Variants in NELL2 observed in about 807,000 individuals in gnomAD.
NELL2 encodes neural EGFL like 2.
Under a neutral mutation model 109.6 loss-of-function variants are expected in NELL2, and 41 were observed. That is an observed-to-expected ratio of 0.37 (90% CI 0.29 to 0.49). The LOEUF (loss-of-function observed/expected upper bound fraction) is 0.49, where lower values mean the gene tolerates loss of function less well. Among genes scored for constraint, NELL2 ranks in the 20% least tolerant of loss-of-function variants. The probability of loss-of-function intolerance (pLI) is 0.98; values close to 1 mark genes in which losing one functional copy is unlikely to be tolerated. For synonymous variants in NELL2, 355 were observed against 344.7 expected (o/e 1.03, Z -0.33); for missense variants, 900 against 1,008.3 (o/e 0.89, Z 1.45).
intron 12 of NELL2, among the ~76,000 whole-genome samples, chr12:44,693,461 T>C (rs1235211150): frequency 6.6e-6 from 1 of 152,182 alleles, no homozygotes; most frequent in East Asian, 1.9e-4. Context: ...GGTATGCCTG[T>C]ATATGGATAG....
chr12:44,607,012 T>C (rs1339662335), intron 15 of NELL2, among the ~76,000 whole-genome samples, 157 bp downstream of exon 15: 1 of 152,128 alleles, frequency 6.6e-6, no homozygotes, highest in Non-Finnish European at 1.5e-5. Context: ...GCGAAATGCA[T>C]CACTGAAACT....
intron 15 of NELL2, among the ~76,000 whole-genome samples, chr12:44,536,211 T>C (rs1385451107): frequency 6.6e-6 from 1 of 151,996 alleles, no homozygotes; most frequent in Non-Finnish European, 1.5e-5. Context: ...GATTTGATGG[T>C]ATGCATATCC....
intron 3 of NELL2, among the ~76,000 whole-genome samples, chr12:44,806,519 C>T (rs1220096914): frequency 6.6e-6 from 1 of 151,728 alleles, no homozygotes; most frequent in African/African-American, 2.4e-5. Context: ...AAAATCTATA[C>T]TTGAATCTAT....
chr12:44,869,313 T>C (rs1402357837), intron 2 of NELL2, among the ~76,000 whole-genome samples: 1 of 152,196 alleles, frequency 6.6e-6, no homozygotes, highest in Non-Finnish European at 1.5e-5. Context: ...GAAATAAGCT[T>C]CTGTAATTAT....
chr12:44,737,889 CAA>C (rs71093823), intron 9 of NELL2, among the ~76,000 whole-genome samples: 3 of 138,226 alleles, frequency 2.2e-5, no homozygotes, highest in Non-Finnish European at 3.2e-5. Flanking sequence ...CGGTTGGCTG[CAA>C]AAAAAAAAAA....
chr12:44,745,337 C>T (rs879380181), intron 9 of NELL2, among the ~76,000 whole-genome samples: 2 of 152,108 alleles, frequency 1.3e-5, no homozygotes, highest in African/African-American at 2.4e-5. Context: ...AACCCACAGC[C>T]AATATCATAC....
chr12:44,912,898 T>C (rs2136894428), intron 1 of NELL2, among the ~76,000 whole-genome samples: 1 of 152,272 alleles, frequency 6.6e-6, no homozygotes, highest in East Asian at 1.9e-4. Flanking sequence ...CTATTCCACT[T>C]ACTAGCTATA....
At chr12:44,849,182 A>T (rs1944459570) in intron 2 of NELL2, among the ~76,000 whole-genome samples, 1 of 152,194 alleles carries the variant, frequency 6.6e-6, no homozygotes, top group African/African-American at 2.4e-5. Context: ...AACAAAAAAT[A>T]ATGATAACTT....
chr12:44,848,285 C>T (rs1944433932), intron 2 of NELL2, among the ~76,000 whole-genome samples: 1 of 152,106 alleles, frequency 6.6e-6, no homozygotes, highest in African/African-American at 2.4e-5. Flanking sequence ...ATGCAGAGGA[C>T]CAACCTCCCA....
chr12:44,694,607 T>G (rs1405802387), intron 12 of NELL2, among the ~76,000 whole-genome samples: 1 of 151,668 alleles, frequency 6.6e-6, no homozygotes, highest in East Asian at 1.9e-4. Context: ...CCTTAGACTT[T>G]TTTTTTTTTA....
chr12:44,846,045 C>G (rs867782609), intron 2 of NELL2, among the ~76,000 whole-genome samples: 1 of 152,112 alleles, frequency 6.6e-6, no homozygotes, highest in African/African-American at 2.4e-5. Context: ...TAAAAATGGA[C>G]TTGGAACATT....
intron 15 of NELL2, among the ~76,000 whole-genome samples, chr12:44,606,716 A>G (rs1945416290): frequency 6.6e-6 from 1 of 152,186 alleles, no homozygotes; most frequent in African/African-American, 2.4e-5. Context: ...TTTTCCAGAT[A>G]AATAATTATT....
intron 1 of NELL2, among the ~76,000 whole-genome samples, chr12:44,904,945 G>T (rs1945703356): frequency 1.3e-5 from 2 of 152,110 alleles, no homozygotes; most frequent in Admixed American, 1.3e-4. Context: ...TCCCCACTGG[G>T]CATTGTCCAG....
At chr12:44,545,830 T>A (rs532863181) in intron 15 of NELL2, among the ~76,000 whole-genome samples, 1 of 152,250 alleles carries the variant, frequency 6.6e-6, no homozygotes, top group East Asian at 1.9e-4. Flanking sequence ...CTGCTCTTAA[T>A]CAAGGTAAAG....
At chr12:44,547,010 A>AT (rs1316052742) in intron 15 of NELL2, among the ~76,000 whole-genome samples, 1 of 151,814 alleles carries the variant, frequency 6.6e-6, no homozygotes, top group African/African-American at 2.4e-5. Flanking sequence ...TCACACACAA[A>AT]CCTTTTTTTT....
At chr12:44,822,183 A>G (rs1252221164) in intron 2 of NELL2, among the ~76,000 whole-genome samples, 2 of 152,182 alleles carry the variant, frequency 1.3e-5, no homozygotes, top group African/African-American at 4.8e-5. Context: ...CAGAAGCATG[A>G]GGTTCCAATT....
chr12:44,614,324 A>T (rs1945740044), intron 13 of NELL2, among the ~76,000 whole-genome samples: 1 of 152,090 alleles, frequency 6.6e-6, no homozygotes, highest in South Asian at 2.1e-4. Flanking sequence ...AAATGAAAAA[A>T]GAAAAATATA....
intron 9 of NELL2, among the ~76,000 whole-genome samples, chr12:44,717,190 C>T (rs989143608): frequency 1.3e-5 from 2 of 152,012 alleles, no homozygotes; most frequent in Admixed American, 6.6e-5. Context: ...CTTCCCTAGA[C>T]TCTTTAGAGG....
intron 12 of NELL2, among the ~76,000 whole-genome samples, chr12:44,676,378 A>C (rs1341423743): frequency 1.3e-5 from 2 of 152,154 alleles, no homozygotes; most frequent in African/African-American, 4.8e-5. Flanking sequence ...ACCAGTAAAG[A>C]ATAAATTAAA....
Sources: gnomAD v4.1 joint callset for allele counts (sites outside exome capture counted in the v4.1 genomes callset) on GRCh38, gnomAD v4.1.1 for gene constraint, MANE v1.5 for transcripts, NCBI Gene and HGNC (gene_info 2026-07-23, HGNC 2026-07-21) for gene names.